TFDP1: variants seen among roughly 807,000 people sequenced by gnomAD.
TFDP1 encodes the protein transcription factor Dp-1.
TFDP1 carries 6 observed loss-of-function variants against 48.0 expected under a neutral mutation model. The observed-to-expected ratio is 0.13, with a 90% confidence interval of 0.07 to 0.25. The LOEUF is 0.25. Among genes scored for constraint, TFDP1 ranks in the 10% least tolerant of loss-of-function variants. TFDP1 has a pLI of 1.00. For synonymous variants in TFDP1, 201 were observed against 211.6 expected (o/e 0.95, Z 0.44); for missense variants, 335 against 543.0 (o/e 0.62, Z 3.81).
chr13:113,589,107 G>A (rs191984478), intron 2 of TFDP1, among the ~76,000 whole-genome samples: 258 of 152,264 alleles, frequency 1.7e-3, no homozygotes, highest in African/African-American at 5.8e-3. Context: ...GAAGGTGGCT[G>A]CCTTTGATGG....
At chr13:113,639,014 G>A (rs1283214981) in intron 11 of TFDP1, among the ~76,000 whole-genome samples, 1 of 152,146 alleles carries the variant, frequency 6.6e-6, no homozygotes, top group Non-Finnish European at 1.5e-5. Context: ...TAGCTTCCTG[G>A]CCAGCTCTGG....
At chr13:113,615,769 A>G (rs2048841899) in intron 3 of TFDP1, among the ~76,000 whole-genome samples, 1 of 152,178 alleles carries the variant, frequency 6.6e-6, no homozygotes, top group Non-Finnish European at 1.5e-5. Flanking sequence ...GTAGCCAAGC[A>G]TGGTGGCGCA....
chr13:113,600,403 C>T (rs981909012), intron 2 of TFDP1, among the ~76,000 whole-genome samples: 1 of 148,892 alleles, frequency 6.7e-6, no homozygotes. Flanking sequence ...AGCGAGAATC[C>T]TTGCACTTAG....
At chr13:113,616,401 A>G (rs1269300496) in intron 3 of TFDP1, among the ~76,000 whole-genome samples, 1 of 152,050 alleles carries the variant, frequency 6.6e-6, no homozygotes, top group Non-Finnish European at 1.5e-5. Context: ...TAGAGTGCTC[A>G]TGATTTTTAA....
chr13:113,640,232 G>T lies in TFDP1; in HGVS notation c.1198G>T (p.Asp400Tyr). The stretch of plus-strand genomic sequence containing the variant: ...CTACGTCGGGGAGGACGACGAGGAG[G>T]ACGATGACTTCAACGAGAATGACGA... ...VSYVGEDDEE[D>Y]DDFNENDEDD The change falls in exon 12 of 12, where the codon GAC becomes TAC. Residue 400 changes from aspartate (D) to tyrosine (Y), a missense_variant. By Grantham distance (160) the Asp-to-Tyr change is radical (BLOSUM62 -3). This residue lies in a region of TFDP1 where 204 missense variants were observed against 287.1 expected (regional missense o/e 0.71). Transcript: ENST00000375370. The T allele has an allele frequency of 6.2e-7, 1 of 1,613,648 alleles. No individual in the cohort carries two copies. Among genetic ancestry groups the T allele is most frequent in the Non-Finnish European group, 8.5e-7 (1 of 1,179,800 alleles).
At chr13:113,600,427 T>TAGGGCTCCAGGACTGC (rs2048389314) in intron 2 of TFDP1, among the ~76,000 whole-genome samples, 1 of 134,562 alleles carries the variant, frequency 7.4e-6, no homozygotes, top group Admixed American at 7.3e-5. Flanking sequence ...TCCAGGACTG[T>TAGGGCTCCAGGACTGC]GAGAGAGAAC....
At chr13:113,585,031 C>T (rs2047962180) in intron 1 of TFDP1, 143 bp downstream of exon 1, 1 of 146,790 alleles carries the variant, frequency 6.8e-6, no homozygotes, top group African/African-American at 2.4e-5. Context: ...CCTGCGCGCT[C>T]CTGTGCCTCG....
At position 113,623,926 on chromosome 13, in the gene TFDP1, A is replaced by G. The variant is rs1386410545; in HGVS notation, c.186+640A>G. Among the ~76,000 whole-genome samples the G allele has an allele frequency of 6.6e-6, 1 of 152,184 alleles. No individual in the cohort carries two copies. The highest frequency in any genetic ancestry group is 1.5e-5 in the Non-Finnish European group (1 of 68,028). The stretch of plus-strand genomic sequence containing the variant: ...GCAGCCTACTGGAGACAGGGAGCCC[A>G]CACAGAATCCTGACCTCACCAGAAA... On this transcript the variant is annotated intron_variant, in intron 4 of 11. Transcript: ENST00000375370. This position sits in a 1 kb window ranked among gnomAD's most constrained non-coding sequence, Gnocchi z 5.2.
intron 10 of TFDP1, chr13:113,637,506 C>T: frequency 9.0e-7 from 1 of 1,115,662 alleles, no homozygotes; most frequent in Non-Finnish European, 1.2e-6. Flanking sequence ...CAGCTTGACA[C>T]TTTGATTCGG....
At chr13:113,618,669 G>A (rs535474996) in intron 3 of TFDP1, among the ~76,000 whole-genome samples, 69 of 152,340 alleles carry the variant, frequency 4.5e-4, no homozygotes, top group African/African-American at 1.6e-3. Flanking sequence ...GACAGCGGCC[G>A]CTGGGACCCG....
chr13:113,591,552 C>T (rs747787586), intron 2 of TFDP1, among the ~76,000 whole-genome samples: 2 of 152,220 alleles, frequency 1.3e-5, no homozygotes, highest in African/African-American at 4.8e-5. Context: ...GTGCACAGCT[C>T]GATTTGCAGT....
In TFDP1 at chr13:113,613,702, A is replaced by T. The variant is rs1260889625; in HGVS notation, c.79+2640A>T. On this transcript the variant is annotated intron_variant, in intron 3 of 11. Coordinates refer to ENST00000375370, the MANE Select transcript of TFDP1 (RefSeq NM_007111.5). Reference sequence around the variant, plus strand: ...GCATGAGTGTGTGTGTGTATGCGTGAATGCGTGGGTATGTGAGGAGTGTGT... The same window carrying T: ...GCATGAGTGTGTGTGTGTATGCGTGTATGCGTGGGTATGTGAGGAGTGTGT... 2.3e-3 allele frequency among the ~76,000 whole-genome samples: 327 copies of T among 140,188 alleles called. 1 individual carries two copies. Among genetic ancestry groups the T allele is most frequent in the African/African-American group, 8.7e-3 (312 of 35,900 alleles). 92.0% of individuals were successfully genotyped at this position (140,188 alleles called of 152,430 possible). A position where few individuals can be genotyped will look rare whatever the true frequency, so the allele number is the denominator to read the frequency against.
chr13:113,638,377 C>T (rs1486301314), intron 11 of TFDP1, among the ~76,000 whole-genome samples: 1 of 151,554 alleles, frequency 6.6e-6, no homozygotes, highest in Non-Finnish European at 1.5e-5. Flanking sequence ...TTTCAGAATG[C>T]ATCTATGGTC....
At chr13:113,625,257 CTCTCACAT>C (rs2049113200) in intron 4 of TFDP1, among the ~76,000 whole-genome samples, 1 of 124,680 alleles carries the variant, frequency 8.0e-6, no homozygotes, top group African/African-American at 3.6e-5. Flanking sequence ...CTCAGGGTAT[CTCTCACAT>C]GTCCTCAGGT....
At chr13:113,636,781 G>C (rs868273237) in intron 10 of TFDP1, 81 bp downstream of exon 10, 146 of 1,501,074 alleles carry the variant, frequency 9.7e-5, no homozygotes, top group Admixed American at 2.7e-4. Context: ...CTCCCGGCTC[G>C]GGATGTGTCT....
At chr13:113,626,018 T>TGTCCTCAGGTGTCTCTCACGC (rs1566667967) in intron 4 of TFDP1, among the ~76,000 whole-genome samples, 20 of 107,148 alleles carry the variant, frequency 1.9e-4, no homozygotes, top group South Asian at 3.1e-4. Context: ...GTCTCTCACG[T>TGTCCTCAGGTGTCTCTCACGC]GTCCTCAGGT....
At chr13:113,636,476 A>G in intron 9 of TFDP1, 58 bp from the exon 10 acceptor site, 8 of 1,585,634 alleles carry the variant, frequency 5.0e-6, no homozygotes, top group East Asian at 2.2e-5. Context: ...GCTCCACCCC[A>G]GTGTGTACCG....
intron 2 of TFDP1, among the ~76,000 whole-genome samples, chr13:113,605,740 G>C (rs1207734246): frequency 6.6e-6 from 1 of 152,230 alleles, no homozygotes; most frequent in Non-Finnish European, 1.5e-5. Context: ...TTCAGAAGTT[G>C]CCCCTTATTT....
At chr13:113,624,129 A>T (rs1270880736) in intron 4 of TFDP1, among the ~76,000 whole-genome samples, 1 of 152,090 alleles carries the variant, frequency 6.6e-6, no homozygotes, top group East Asian at 1.9e-4. Context: ...CAGCTGCCCC[A>T]GCCCTGTTCC....
Sources: allele counts gnomAD v4.1 joint callset (sites outside exome capture counted in the v4.1 genomes callset), GRCh38; gene constraint gnomAD v4.1.1; regional missense constraint gnomAD v4.1.1; non-coding constraint Gnocchi (gnomAD v3.1); transcripts MANE v1.5; gene names NCBI Gene and HGNC (gene_info 2026-07-23, HGNC 2026-07-21).